PPP2R2B: variants seen among roughly 807,000 people sequenced by gnomAD.
PPP2R2B encodes the protein serine/threonine-protein phosphatase 2A 55 kDa regulatory subunit B beta isoform.
Under a neutral mutation model 46.0 loss-of-function variants are expected in PPP2R2B, and 5 were observed. That is an observed-to-expected ratio of 0.11 (90% CI 0.06 to 0.23). PPP2R2B has a LOEUF of 0.23. Among genes scored for constraint, PPP2R2B ranks in the 10% least tolerant of loss-of-function variants. PPP2R2B has a pLI of 1.00. For synonymous variants in PPP2R2B, 215 were observed against 206.7 expected, an observed-to-expected ratio of 1.04 and a Z score of -0.34; for missense variants, 367 against 575.0, an observed-to-expected ratio of 0.64 and a Z score of 3.70.
chr5:146,787,475 C>T (rs1221225309), intron 2 of PPP2R2B, among the ~76,000 whole-genome samples: 2 of 152,036 alleles, frequency 1.3e-5, no homozygotes, highest in Admixed American at 6.5e-5. Flanking sequence ...GATCTTGGGC[C>T]ACCAGAGCTC....
chr5:146,675,822 C>T (rs1777673424), intron 5 of PPP2R2B, among the ~76,000 whole-genome samples: 1 of 146,086 alleles, frequency 6.8e-6, no homozygotes, highest in Non-Finnish European at 1.5e-5. Context: ...TCAGTCACTT[C>T]TCTCTCTCTC....
chr5:146,651,172 G>T (rs368022594), intron 5 of PPP2R2B, among the ~76,000 whole-genome samples: 72 of 152,100 alleles, frequency 4.7e-4, no homozygotes, highest in Middle Eastern at 3.4e-3. Context: ...CATGGCTTTG[G>T]AAGCTATACC....
At chr5:146,983,677 C>A (rs562606040) in intron 1 of PPP2R2B, among the ~76,000 whole-genome samples, 1 of 152,094 alleles carries the variant, frequency 6.6e-6, no homozygotes, top group Non-Finnish European at 1.5e-5. Context: ...AATTTAGAAC[C>A]TCATCAGACA....
chr5:146,772,915 C>G (rs1316497275), intron 2 of PPP2R2B, among the ~76,000 whole-genome samples: 1 of 152,178 alleles, frequency 6.6e-6, no homozygotes, highest in Non-Finnish European at 1.5e-5. Context: ...TTTTGATTGT[C>G]TAGCTCTTTT....
At chr5:146,738,580 A>T (rs1338628135) in intron 2 of PPP2R2B, among the ~76,000 whole-genome samples, 2 of 152,158 alleles carry the variant, frequency 1.3e-5, no homozygotes, top group Non-Finnish European at 2.9e-5. Flanking sequence ...TTTACTCCCC[A>T]AAGTATTTTG....
At chr5:146,964,295 A>G (rs1752308914) in intron 1 of PPP2R2B, among the ~76,000 whole-genome samples, 1 of 152,216 alleles carries the variant, frequency 6.6e-6, no homozygotes, top group African/African-American at 2.4e-5. Context: ...ATGAAAAAAC[A>G]GTTTGAGGTT....
At chr5:146,653,639 T>C (rs1389063618) in intron 5 of PPP2R2B, among the ~76,000 whole-genome samples, 4 of 152,156 alleles carry the variant, frequency 2.6e-5, no homozygotes, top group East Asian at 3.9e-4. Flanking sequence ...CAGAGATTTC[T>C]TGTGGCTGTG....
intron 1 of PPP2R2B, among the ~76,000 whole-genome samples, chr5:147,029,457 T>A (rs1755677973): frequency 6.6e-6 from 1 of 152,188 alleles, no homozygotes; most frequent in Non-Finnish European, 1.5e-5. Flanking sequence ...TATAAATGTG[T>A]TTCTGGACTT....
chr5:146,850,602 T>C (rs942091194), intron 2 of PPP2R2B, among the ~76,000 whole-genome samples: 2 of 152,110 alleles, frequency 1.3e-5, no homozygotes, highest in African/African-American at 4.8e-5. Context: ...CCATCTCCTC[T>C]TCAACAGAGC....
rs921185913 is a variant in PPP2R2B at position 146,861,747 on chromosome 5, T to C, written c.70+16255A>G. Among the ~76,000 whole-genome samples, 67 of 152,302 alleles carry C rather than the reference T, an allele frequency of 4.4e-4. 1 individual carries two copies. Among genetic ancestry groups the C allele is most frequent in the African/African-American group, 1.5e-3 (62 of 41,576 alleles). On this transcript the variant is annotated intron_variant, in intron 2 of 9. Coordinates refer to ENST00000394411, the MANE Select transcript of PPP2R2B (RefSeq NM_181675.4). ...ATATATTTTTGTTGCCATTTTTCCATGGAATTCTTTGTCTATACAAATAAA... is the reference window on the plus strand; with the variant it reads ...ATATATTTTTGTTGCCATTTTTCCACGGAATTCTTTGTCTATACAAATAAA...
intron 7 of PPP2R2B, among the ~76,000 whole-genome samples, chr5:146,614,037 C>T (rs1260035574): frequency 7.3e-4 from 59 of 80,786 alleles, no homozygotes; most frequent in African/African-American, 3.6e-3. Context: ...GAGCCCGCAT[C>T]GCCAAGTCAA....
intron 1 of PPP2R2B, among the ~76,000 whole-genome samples, chr5:146,964,715 C>A (rs1437712394): frequency 6.6e-6 from 1 of 151,974 alleles, no homozygotes; most frequent in Non-Finnish European, 1.5e-5. Flanking sequence ...TTAGTAGAGA[C>A]AGGGTTTCAC....
At chr5:146,696,841 A>G (rs1448384428) in intron 4 of PPP2R2B, among the ~76,000 whole-genome samples, 1 of 152,216 alleles carries the variant, frequency 6.6e-6, no homozygotes, top group African/African-American at 2.4e-5. Context: ...TGGGGTTCAA[A>G]TGCATTAAAT....
At chr5:146,676,226 A>C (rs933603043) in intron 5 of PPP2R2B, among the ~76,000 whole-genome samples, 21 of 152,162 alleles carry the variant, frequency 1.4e-4, no homozygotes, top group Non-Finnish European at 2.5e-4. Flanking sequence ...TCAGTGCAGA[A>C]CATTTAGCTA....
Position 146,887,856 on chromosome 5 carries a change from A to G in PPP2R2B, c.79+167809T>C, listed in dbSNP as rs888254396. ...GTTTGTAGGCATCTAGTAGAGAACC[A>G]TTAGTAGTCTTTTAGATTGTACTGG... On this transcript the variant is annotated intron_variant, in intron 1 of 8. Coordinates refer to the PPP2R2B transcript ENST00000336640. Among the ~76,000 whole-genome samples the G allele has an allele frequency of 2.6e-5, 4 of 152,358 alleles. No homozygotes were observed. In the East Asian group the frequency reaches 7.7e-4, roughly 29 times the overall value.
chr5:146,965,024 T>C, intron 1 of PPP2R2B, among the ~76,000 whole-genome samples: 1 of 152,150 alleles, frequency 6.6e-6, no homozygotes, highest in East Asian at 1.9e-4. Context: ...CCTAAACATA[T>C]GGAATTGATG....
chr5:147,004,529 C>G (rs565434077), intron 1 of PPP2R2B, among the ~76,000 whole-genome samples: 28 of 152,330 alleles, frequency 1.8e-4, no homozygotes, highest in Non-Finnish European at 2.6e-4. Context: ...CAGCCTATAA[C>G]CAGGTATTTC....
At chr5:146,817,417 T>A (rs940789618) in intron 2 of PPP2R2B, among the ~76,000 whole-genome samples, 3 of 152,214 alleles carry the variant, frequency 2.0e-5, no homozygotes, top group Admixed American at 6.5e-5. Context: ...GATAAATGTA[T>A]TTATATGCAA....
At chr5:146,946,138 C>T (rs546424363) in intron 1 of PPP2R2B, among the ~76,000 whole-genome samples, 1 of 152,218 alleles carries the variant, frequency 6.6e-6, no homozygotes, top group African/African-American at 2.4e-5. Context: ...ACGCTGTAGC[C>T]GCTTAAGCAA....
Sources: gnomAD v4.1 joint callset for allele counts (sites outside exome capture counted in the v4.1 genomes callset) on GRCh38, gnomAD v4.1.1 for gene constraint, MANE v1.5 for transcripts, NCBI Gene and HGNC (gene_info 2026-07-23, HGNC 2026-07-21) for gene names.